Variants in CFAP70 observed in about 807,000 individuals in gnomAD.
The protein encoded by CFAP70 is cilia- and flagella-associated protein 70.
Under a neutral mutation model 137.6 loss-of-function variants are expected in CFAP70, and 81 were observed. The ratio of observed to expected loss-of-function variants is 0.59; its 90% CI spans 0.49 to 0.71. The LOEUF is 0.71. CFAP70 is among the 30% of genes least tolerant of loss of function. The pLI is 0.00. For missense variants in CFAP70, 976 were observed against 1,226.7 expected (o/e 0.80, Z 3.05); for synonymous variants, 382 against 423.6 (o/e 0.90, Z 1.20).
chr10:73,286,920 C>T (rs2047762363), intron 19 of CFAP70, among the ~76,000 whole-genome samples: 1 of 152,214 alleles, frequency 6.6e-6, no homozygotes, highest in Non-Finnish European at 1.5e-5. Context: ...AGAAACATGT[C>T]CTTAAGGCAC....
intron 26 of CFAP70, among the ~76,000 whole-genome samples, chr10:73,255,013 A>G (rs973254763): frequency 2.0e-5 from 3 of 152,204 alleles, no homozygotes; most frequent in Non-Finnish European, 4.4e-5. Context: ...CTGTAATTCC[A>G]ACAGTTTGGG....
At chr10:73,284,038 A>G (rs7913754) in intron 19 of CFAP70, among the ~76,000 whole-genome samples, 16,154 of 152,284 alleles carry the variant, frequency 0.11, 1,237 homozygotes, top group East Asian at 0.3. Flanking sequence ...GGCTTAAAAC[A>G]ACACAAACAT....
At chr10:73,280,877 A>T (rs1345373797) in intron 19 of CFAP70, among the ~76,000 whole-genome samples, 1 of 151,642 alleles carries the variant, frequency 6.6e-6, no homozygotes, top group African/African-American at 2.4e-5. Flanking sequence ...GATTGTCTCT[A>T]TTTTTGTCTG....
intron 12 of CFAP70, among the ~76,000 whole-genome samples, chr10:73,307,035 C>T (rs2049438240): frequency 6.6e-6 from 1 of 152,042 alleles, no homozygotes; most frequent in South Asian, 2.1e-4. Flanking sequence ...TGTTAGTAGG[C>T]ACACAATAGA....
At chr10:73,293,530 A>G (rs1243129071) in intron 15 of CFAP70, 142 bp from the exon 17 acceptor site, 5 of 635,162 alleles carry the variant, frequency 7.9e-6, no homozygotes, top group Non-Finnish European at 1.2e-5. Flanking sequence ...TCTTGCCAAA[A>G]AAGTAAAAGA....
At chr10:73,336,487 C>T (rs551358377) in intron 6 of CFAP70, among the ~76,000 whole-genome samples, 2 of 151,930 alleles carry the variant, frequency 1.3e-5, no homozygotes, top group South Asian at 4.2e-4. Context: ...ATAATTCAAC[C>T]ATCCTCATTT....
chr10:73,261,800 C>T (rs1041847436), intron 25 of CFAP70, among the ~76,000 whole-genome samples: 2 of 151,882 alleles, frequency 1.3e-5, no homozygotes, highest in Admixed American at 6.6e-5. Flanking sequence ...AGCCACCATG[C>T]CTGGCCTATC....
In CFAP70 at chr10:73,354,734, C is replaced by A. The variant is rs746894035; in HGVS notation, c.63G>T (p.Leu21Phe). ...TGTAAATTTCCAAAAGTAACTTTAC[C>A]AAATCATATCCCTCTGTCACGGTGA... The change falls in exon 2 of 27, where the codon TTG becomes TTT. Residue 21 changes from leucine to phenylalanine, a missense_variant and splice_region_variant. Physicochemically the swap from Leu to Phe is conservative, Grantham distance 22. Transcript: ENST00000310715. 6.2e-6 allele frequency: 10 copies of A among 1,613,468 alleles called. No individual in the cohort carries two copies. In the African/African-American group the frequency reaches 1.3e-4, roughly 22 times the overall value.
At chr10:73,288,087 G>A (rs564426360) in intron 19 of CFAP70, among the ~76,000 whole-genome samples, 9 of 151,892 alleles carry the variant, frequency 5.9e-5, no homozygotes, top group South Asian at 2.1e-4. Context: ...TAGTAGAGAC[G>A]GGTTTCGCCA....
intron 9 of CFAP70, among the ~76,000 whole-genome samples, chr10:73,322,602 C>G (rs2050971864): frequency 6.7e-6 from 1 of 148,694 alleles, no homozygotes; most frequent in South Asian, 2.1e-4. Flanking sequence ...TCTCTTTTCT[C>G]TCTTTTGTCT....
intron 25 of CFAP70, among the ~76,000 whole-genome samples, chr10:73,257,265 A>T (rs777723906): frequency 2.0e-5 from 3 of 152,194 alleles, no homozygotes; most frequent in Non-Finnish European, 2.9e-5. Context: ...CCAGAGTCCA[A>T]GTTTTTAACT....
intron 25 of CFAP70, among the ~76,000 whole-genome samples, chr10:73,263,162 T>C (rs2045431415): frequency 6.6e-6 from 1 of 152,210 alleles, no homozygotes; most frequent in Admixed American, 6.5e-5. Context: ...AGTGTAGTGG[T>C]GTGAACAGGT....
intron 19 of CFAP70, among the ~76,000 whole-genome samples, chr10:73,289,311 A>C (rs2047985703): frequency 6.6e-6 from 1 of 151,840 alleles, no homozygotes; most frequent in Non-Finnish European, 1.5e-5. Context: ...TTTGAGATGG[A>C]GTCTCACTCT....
At chr10:73,360,430 T>C (rs1171532161), upstream of CFAP70, among the ~76,000 whole-genome samples, 1 of 152,176 alleles carries the variant, frequency 6.6e-6, no homozygotes, top group African/African-American at 2.4e-5. Flanking sequence ...TGTTAACTAT[T>C]TGGGAATCTG....
intron 7 of CFAP70, among the ~76,000 whole-genome samples, chr10:73,333,575 T>C (rs1200416305): frequency 2.0e-5 from 3 of 152,106 alleles, no homozygotes; most frequent in East Asian, 1.9e-4. Flanking sequence ...TCAGAAACCA[T>C]GCAAGCAAGA....
chr10:73,303,012 C>T (rs1441516872), intron 12 of CFAP70, among the ~76,000 whole-genome samples: 1 of 151,204 alleles, frequency 6.6e-6, no homozygotes, highest in Non-Finnish European at 1.5e-5. Context: ...CCCCACCGCC[C>T]CCCACCACCG....
chr10:73,322,498 G>A (rs992120626), intron 9 of CFAP70, among the ~76,000 whole-genome samples: 12 of 149,984 alleles, frequency 8.0e-5, no homozygotes, highest in African/African-American at 3.0e-4. Context: ...GATCCCTTGA[G>A]CCCAGGAATT....
rs2046653911 is a variant in CFAP70, at chr10:73,275,545, G to A, written c.2574C>T (p.Ser858=). 2 of 1,611,264 alleles carry A rather than the reference G, an allele frequency of 1.2e-6. No homozygotes were observed. The highest frequency in any genetic ancestry group is 1.7e-6 in the Non-Finnish European group (2 of 1,179,022). ...GGGCCAGCACCAAGTAATATTCACAGCTGGGGCCTCCTTGAGGGCATAACA... is the reference window on the plus strand; with the variant it reads ...GGGCCAGCACCAAGTAATATTCACAACTGGGGCCTCCTTGAGGGCATAACA... Residue 858 remains serine, a synonymous_variant, in exon 22 of 27, where the codon AGC becomes AGT. Coordinates refer to ENST00000310715, the Ensembl canonical transcript of CFAP70. The surrounding 1 kb of genome is among the most constrained non-coding windows in gnomAD (Gnocchi z 4.0).
chr10:73,311,431 G>A (rs1156368724), intron 11 of CFAP70, among the ~76,000 whole-genome samples: 2 of 152,080 alleles, frequency 1.3e-5, no homozygotes, highest in Non-Finnish European at 2.9e-5. Flanking sequence ...AGCCCACACA[G>A]AACTTTTATT....
Sources: gnomAD v4.1 joint callset for allele counts (sites outside exome capture counted in the v4.1 genomes callset) on GRCh38, gnomAD v4.1.1 for gene constraint, Gnocchi (gnomAD v3.1) non-coding constraint, MANE v1.5 for transcripts, NCBI Gene and HGNC (gene_info 2026-07-23, HGNC 2026-07-21) for gene names.